The following GABRB2 variants were observed in gnomAD, a reference collection of about 807,000 sequenced individuals.
The protein encoded by GABRB2 is gamma-aminobutyric acid receptor subunit beta-2.
Under a neutral mutation model 54.7 loss-of-function variants are expected in GABRB2, and 16 were observed. The observed-to-expected ratio is 0.29, with a 90% CI of 0.20 to 0.44. GABRB2 has a LOEUF of 0.44. GABRB2 is among the 20% of genes least tolerant of loss of function. The pLI is 1.00. For missense variants in GABRB2, 355 were observed against 644.0 expected, an observed-to-expected ratio of 0.55 and a Z score of 4.86; for synonymous variants, 244 against 233.8, an observed-to-expected ratio of 1.04 and a Z score of -0.40.
intron 5 of GABRB2, among the ~76,000 whole-genome samples, chr5:161,361,250 T>C (rs1429206615): frequency 6.6e-6 from 1 of 152,086 alleles, no homozygotes. Flanking sequence ...ATAGGAACAC[T>C]GAATTTTCAA....
At chr5:161,345,269 A>G (rs1185843265) in intron 5 of GABRB2, among the ~76,000 whole-genome samples, 2 of 152,116 alleles carry the variant, frequency 1.3e-5, no homozygotes, top group East Asian at 3.9e-4. Context: ...AAAAATTTTA[A>G]AAGATGAAAA....
At chr5:161,372,383 C>G (rs1450404710) in intron 5 of GABRB2, among the ~76,000 whole-genome samples, 2 of 152,172 alleles carry the variant, frequency 1.3e-5, no homozygotes, top group African/African-American at 4.8e-5. Flanking sequence ...CCATCACCCC[C>G]TTTTGTTGTA....
At chr5:161,448,798 GA>G (rs1757709216) in intron 4 of GABRB2, among the ~76,000 whole-genome samples, 2 of 152,172 alleles carry the variant, frequency 1.3e-5, no homozygotes, top group South Asian at 4.1e-4. Context: ...TTGCATAAGA[GA>G]AACCCCTTTA....
chr5:161,440,807 C>G (rs1580988619), intron 4 of GABRB2, among the ~76,000 whole-genome samples: 1 of 152,072 alleles, frequency 6.6e-6, no homozygotes, highest in South Asian at 2.1e-4. Context: ...GCCCCCGAAA[C>G]AAATCCACAC....
intron 3 of GABRB2, among the ~76,000 whole-genome samples, chr5:161,491,194 A>G (rs2113352712): frequency 6.6e-6 from 1 of 151,684 alleles, no homozygotes; most frequent in East Asian, 1.9e-4. Flanking sequence ...CAAGTTTCCT[A>G]TGTATGATGC....
chr5:161,538,151 A>G (rs1760701450), intron 3 of GABRB2, among the ~76,000 whole-genome samples: 2 of 152,286 alleles, frequency 1.3e-5, no homozygotes, highest in South Asian at 4.1e-4. Context: ...ATTTCCCCAC[A>G]TAAATAGTAC....
At chr5:161,313,737 C>T (rs1757943440) in intron 9 of GABRB2, among the ~76,000 whole-genome samples, 1 of 152,122 alleles carries the variant, frequency 6.6e-6, no homozygotes, top group Admixed American at 6.5e-5. Context: ...GACATGTTTC[C>T]AGGGTGGGAC....
chr5:161,490,196 G>A (rs372427340), intron 3 of GABRB2, among the ~76,000 whole-genome samples: 4 of 151,690 alleles, frequency 2.6e-5, no homozygotes, highest in South Asian at 2.1e-4. Flanking sequence ...TAATTATCTC[G>A]TTTTGTGTTA....
intron 5 of GABRB2, among the ~76,000 whole-genome samples, chr5:161,378,615 A>G (rs1280095418): frequency 6.6e-6 from 1 of 152,174 alleles, no homozygotes; most frequent in Non-Finnish European, 1.5e-5. Context: ...TGATGCTCAA[A>G]TGAAAATGCA....
intron 9 of GABRB2, among the ~76,000 whole-genome samples, chr5:161,306,006 G>T (rs1757681387): frequency 6.6e-6 from 1 of 152,190 alleles, no homozygotes; most frequent in African/African-American, 2.4e-5. Context: ...TGTGAAAGTG[G>T]ATCATGTTAA....
chr5:161,406,010 G>A (rs552220206), intron 5 of GABRB2, among the ~76,000 whole-genome samples: 24 of 152,108 alleles, frequency 1.6e-4, no homozygotes, highest in South Asian at 6.2e-4. Flanking sequence ...TGGTGCATAC[G>A]CTAAGAAGAA....
intron 4 of GABRB2, among the ~76,000 whole-genome samples, chr5:161,445,398 G>A (rs1454070769): frequency 1.3e-5 from 2 of 152,010 alleles, no homozygotes; most frequent in Non-Finnish European, 1.5e-5. Context: ...CTTTTTGAAT[G>A]TAAACTAAAA....
chr5:161,379,295 C>T (rs987293254), intron 5 of GABRB2, among the ~76,000 whole-genome samples: 2 of 152,092 alleles, frequency 1.3e-5, no homozygotes, highest in Non-Finnish European at 2.9e-5. Context: ...CATTGATACT[C>T]ATTTTCATGA....
chr5:161,411,118 T>G, intron 4 of GABRB2, 61 bp from the exon 5 acceptor site: 1 of 1,235,006 alleles, frequency 8.1e-7, no homozygotes, highest in East Asian at 2.3e-5. Context: ...GCTGGAAATT[T>G]AAATCTAAGT....
intron 5 of GABRB2, among the ~76,000 whole-genome samples, chr5:161,402,558 G>T (rs1756229063): frequency 6.6e-6 from 1 of 152,094 alleles, no homozygotes. Context: ...ATGTAAATGA[G>T]GTTACATAGA....
intron 3 of GABRB2, among the ~76,000 whole-genome samples, chr5:161,488,492 C>T (rs1398349449): frequency 1.3e-5 from 2 of 151,670 alleles, no homozygotes; most frequent in Admixed American, 6.6e-5. Context: ...TATGTTTTTA[C>T]AGCTAGAAAG....
chr5:161,359,867 G>C (rs1326065948), intron 5 of GABRB2, among the ~76,000 whole-genome samples: 1 of 152,120 alleles, frequency 6.6e-6, no homozygotes, highest in Non-Finnish European at 1.5e-5. Context: ...TAGATCACGA[G>C]GTCAAGAGAT....
At chr5:161,487,095 G>T (rs1421611521) in intron 3 of GABRB2, among the ~76,000 whole-genome samples, 1 of 151,870 alleles carries the variant, frequency 6.6e-6, no homozygotes, top group Non-Finnish European at 1.5e-5. Context: ...TTCTAGGTCT[G>T]CCTGCCTTTG....
chr5:161,359,781 C>A (rs959967143), intron 5 of GABRB2, among the ~76,000 whole-genome samples: 2 of 152,038 alleles, frequency 1.3e-5, no homozygotes, highest in African/African-American at 4.8e-5. Flanking sequence ...TCATGTTATA[C>A]TTTGTCTTTA....
Sources: allele counts gnomAD v4.1 joint callset (sites outside exome capture counted in the v4.1 genomes callset), GRCh38; gene constraint gnomAD v4.1.1; transcripts MANE v1.5; gene names NCBI Gene and HGNC (gene_info 2026-07-23, HGNC 2026-07-21).